The following HECW1 variants were observed in gnomAD, a reference collection of about 807,000 sequenced individuals.
HECW1 encodes E3 ubiquitin-protein ligase HECW1.
Under a neutral mutation model 182.3 loss-of-function variants are expected in HECW1, and 61 were observed. The ratio of observed to expected loss-of-function variants is 0.33; its 90% CI spans 0.27 to 0.41. HECW1 has a LOEUF of 0.41. HECW1 is among the 10% of genes least tolerant of loss of function. HECW1 has a pLI of 1.00. For synonymous variants in HECW1, 859 were observed against 832.6 expected, an observed-to-expected ratio of 1.03 and a Z score of -0.55; for missense variants, 1,739 against 2,108.9, an observed-to-expected ratio of 0.82 and a Z score of 3.44.
chr7:43,543,647 C>A (rs1161907177), intron 26 of HECW1, among the ~76,000 whole-genome samples: 1 of 151,776 alleles, frequency 6.6e-6, no homozygotes, highest in East Asian at 1.9e-4. Flanking sequence ...GGGATGATGG[C>A]AGACACCTGT....
chr7:43,416,029 C>T (rs1157799523), intron 8 of HECW1, among the ~76,000 whole-genome samples: 11 of 150,736 alleles, frequency 7.3e-5, no homozygotes, highest in South Asian at 6.4e-4. Flanking sequence ...TCTCTCAGCT[C>T]GTCAAAGTCA....
chr7:43,234,663 C>A (rs1474278077), intron 2 of HECW1, among the ~76,000 whole-genome samples: 1 of 152,172 alleles, frequency 6.6e-6, no homozygotes, highest in African/African-American at 2.4e-5. Flanking sequence ...CATTTCATTT[C>A]TCATTTGTTA....
chr7:43,410,749 G>T (rs1476571961), intron 8 of HECW1, among the ~76,000 whole-genome samples: 1 of 152,084 alleles, frequency 6.6e-6, no homozygotes. Flanking sequence ...GAAAGCATTT[G>T]TCTTTCAAGA....
intron 4 of HECW1, among the ~76,000 whole-genome samples, chr7:43,313,305 A>G (rs1319212758): frequency 3.9e-5 from 6 of 152,122 alleles, no homozygotes; most frequent in Non-Finnish European, 7.3e-5. Flanking sequence ...CTATAGATTA[A>G]GAACAGAGAT....
Position 43,349,079 on chromosome 7 carries a change from G to T in HECW1, c.461-11807G>T, listed in dbSNP as rs138651978. Among the ~76,000 whole-genome samples the T allele has an allele frequency of 3.5e-3, 528 of 152,182 alleles. 1 individual carries two copies. The highest frequency in any genetic ancestry group is 0.012 in the African/African-American group (514 of 41,504). ...GACGGAATTTTGCTCTGGTTGCCCA[G>T]GCTGGAATGCAATGGCGCACTCTCG... On this transcript the variant is annotated intron_variant, in intron 5 of 29. Coordinates refer to ENST00000395891, the MANE Select transcript of HECW1 (RefSeq NM_015052.5).
intron 2 of HECW1, among the ~76,000 whole-genome samples, chr7:43,137,241 A>G (rs1381070319): frequency 6.6e-6 from 1 of 152,082 alleles, no homozygotes; most frequent in East Asian, 1.9e-4. Flanking sequence ...CCCAGCAGGC[A>G]TGTCAATCCC....
At chr7:43,509,269 A>C (rs2079744246) in intron 24 of HECW1, 148 bp downstream of exon 24, 3 of 666,370 alleles carry the variant, frequency 4.5e-6, no homozygotes, top group Non-Finnish European at 7.3e-6. Context: ...CCAAGAAGGA[A>C]GAATCTGTTA....
chr7:43,381,128 G>T (rs1271554166), intron 6 of HECW1, among the ~76,000 whole-genome samples: 2 of 152,116 alleles, frequency 1.3e-5, no homozygotes, highest in Non-Finnish European at 2.9e-5. Context: ...AGGTTTATTG[G>T]CCATTGGATT....
chr7:43,476,382 G>C (rs997279491), intron 16 of HECW1, among the ~76,000 whole-genome samples: 6 of 152,094 alleles, frequency 3.9e-5, no homozygotes, highest in African/African-American at 7.2e-5. Flanking sequence ...TAATAGACAT[G>C]TTCAGAAATG....
At chr7:43,194,669 A>G (rs2152685336) in intron 2 of HECW1, among the ~76,000 whole-genome samples, 1 of 151,518 alleles carries the variant, frequency 6.6e-6, no homozygotes, top group East Asian at 1.9e-4. Flanking sequence ...AAATGCTTCA[A>G]CAGAGGGGGA....
chr7:43,198,147 C>G lies in HECW1; in HGVS notation c.-31-45728C>G, dbSNP rs1794648055. Among the ~76,000 whole-genome samples the G allele has an allele frequency of 9.3e-5, 14 of 149,942 alleles. 1 individual carries two copies. The South Asian group carries it at 3.0e-3, about 32-fold the overall frequency. The stretch of plus-strand genomic sequence containing the variant: ...ACTATAGTCACACACCCCACACTCT[C>G]TCACACTCATACTCACGCACACCCC... On this transcript the variant is annotated intron_variant, in intron 2 of 29. Transcript: ENST00000395891.
intron 2 of HECW1, among the ~76,000 whole-genome samples, chr7:43,141,018 T>C (rs946487596): frequency 3.9e-5 from 6 of 152,320 alleles, no homozygotes; most frequent in Middle Eastern, 3.4e-3. Flanking sequence ...CCCTAGAAGC[T>C]CTGTGTCTTA....
intron 2 of HECW1, among the ~76,000 whole-genome samples, chr7:43,131,405 AC>A (rs1265580100): frequency 1.3e-5 from 2 of 152,180 alleles, no homozygotes; most frequent in East Asian, 1.9e-4. Flanking sequence ...CCAATGACCA[AC>A]CCTGCATTTT....
At chr7:43,325,959 G>C (rs1358894438) in intron 5 of HECW1, among the ~76,000 whole-genome samples, 1 of 152,122 alleles carries the variant, frequency 6.6e-6, no homozygotes, top group Non-Finnish European at 1.5e-5. Flanking sequence ...AGTCCGTTGA[G>C]GCTGTTATAA....
At chr7:43,156,270 G>T (rs1032929840) in intron 2 of HECW1, among the ~76,000 whole-genome samples, 6 of 152,178 alleles carry the variant, frequency 3.9e-5, no homozygotes, top group Admixed American at 3.3e-4. Flanking sequence ...TACTCGCAGA[G>T]TCTCTGAGGT....
chr7:43,446,675 T>C (rs904184632), intron 11 of HECW1, among the ~76,000 whole-genome samples: 1 of 152,138 alleles, frequency 6.6e-6, no homozygotes, highest in Non-Finnish European at 1.5e-5. Flanking sequence ...TAATTTTAAG[T>C]ATTCAATAAT....
At chr7:43,540,311 C>A (rs2081319146) in intron 24 of HECW1, among the ~76,000 whole-genome samples, 1 of 152,120 alleles carries the variant, frequency 6.6e-6, no homozygotes, top group Non-Finnish European at 1.5e-5. Context: ...GAGTGGACAC[C>A]AGGAAGACTC....
intron 2 of HECW1, among the ~76,000 whole-genome samples, chr7:43,188,152 G>A (rs749965734): frequency 9.2e-5 from 14 of 152,166 alleles, no homozygotes; most frequent in East Asian, 1.9e-4. Context: ...GATTGTTTTC[G>A]TGGCTCACCA....
At chr7:43,365,831 C>T (rs575839725) in intron 6 of HECW1, among the ~76,000 whole-genome samples, 50 of 152,280 alleles carry the variant, frequency 3.3e-4, no homozygotes, top group African/African-American at 1.2e-3. Flanking sequence ...CAGTGGCTCA[C>T]GCCTGTAATC....
Sources: allele counts gnomAD v4.1 joint callset (sites outside exome capture counted in the v4.1 genomes callset), GRCh38; gene constraint gnomAD v4.1.1; transcripts MANE v1.5; gene names NCBI Gene and HGNC (gene_info 2026-07-23, HGNC 2026-07-21).